Variants in NCOA6 observed in about 807,000 individuals in gnomAD.
The protein encoded by NCOA6 is nuclear receptor coactivator 6.
A neutral mutation model predicts 171.4 loss-of-function variants in NCOA6; 49 were observed. That is an observed-to-expected ratio of 0.29 (90% CI 0.23 to 0.36). The LOEUF is 0.36. Ranked by LOEUF, NCOA6 falls within the 10% of genes least tolerant of loss-of-function variation. The pLI is 1.00. For synonymous variants in NCOA6, 910 were observed against 927.5 expected, an observed-to-expected ratio of 0.98 and a Z score of 0.34; for missense variants, 2,248 against 2,554.5, an observed-to-expected ratio of 0.88 and a Z score of 2.59.
chr20:34,735,262 C>T (rs970779109), intron 12 of NCOA6, among the ~76,000 whole-genome samples: 1 of 152,134 alleles, frequency 6.6e-6, no homozygotes, highest in Non-Finnish European at 1.5e-5. Context: ...TGTATGACCC[C>T]TCCTTTAAAT....
chr20:34,796,276 C>G (rs1488256674), intron 1 of NCOA6, among the ~76,000 whole-genome samples: 1 of 151,856 alleles, frequency 6.6e-6, no homozygotes, highest in East Asian at 1.9e-4. Context: ...TCCCAAAGTG[C>G]TGGGATTATA....
intron 13 of NCOA6, among the ~76,000 whole-genome samples, chr20:34,731,187 T>C (rs998054791): frequency 1.3e-5 from 2 of 152,030 alleles, no homozygotes; most frequent in South Asian, 4.2e-4. Flanking sequence ...GCCTGGCTAA[T>C]TTTTGTAGTT....
At chr20:34,800,391 G>A (rs1172909723) in intron 1 of NCOA6, among the ~76,000 whole-genome samples, 1 of 152,098 alleles carries the variant, frequency 6.6e-6, no homozygotes, top group South Asian at 2.1e-4. Flanking sequence ...AACATTGAAT[G>A]TTAATGGACT....
intron 1 of NCOA6, among the ~76,000 whole-genome samples, chr20:34,794,584 GA>G (rs950736188): frequency 2.0e-5 from 3 of 151,656 alleles, no homozygotes; most frequent in Non-Finnish European, 2.9e-5. Flanking sequence ...ATTTTTGAGA[GA>G]AAAAAAACAG....
At position 34,743,115 on chromosome 20, in the gene NCOA6, C is replaced by A. The variant is rs1391011769; in HGVS notation, c.3141G>T (p.Arg1047Ser). 1.2e-6 allele frequency: 2 copies of A among 1,613,486 alleles called. No homozygotes were observed. The highest frequency in any genetic ancestry group is 2.2e-5 in the South Asian group (2 of 91,022). The change falls in exon 11 of 15, where the codon AGG (arginine) becomes AGT (serine). Residue 1047 changes from arginine to serine, a missense_variant. Physicochemically the swap from Arg to Ser is moderately radical, Grantham distance 110. Transcript: ENST00000359003. ...GATGGACATTTTGAGAGACTGGAAG[C>A]CTAACTGATTTGGGATCCTGCTGCA... is the stretch of plus-strand genomic sequence containing the variant. ...LMMQQDPKSVRLPVSQNVHPP... is the reference protein window; with the variant it reads ...LMMQQDPKSVSLPVSQNVHPP...
At position 34,758,836 on chromosome 20, in the gene NCOA6, C is replaced by T. The variant is rs752741738; in HGVS notation, c.612G>A (p.Gln204=). 1.6e-5 allele frequency: 26 copies of T among 1,613,010 alleles called. No homozygotes were observed. The highest frequency in any genetic ancestry group is 2.1e-5 in the Non-Finnish European group (25 of 1,179,798). Residue 204 remains glutamine, a synonymous_variant, in exon 6 of 15, where the codon CAG becomes CAA. Coordinates refer to ENST00000359003, the MANE Select transcript of NCOA6 (RefSeq NM_014071.5). ...GAGAAGCAGGGCGAGGAGTCCTGGGCTGCAGCTCTGGATTGGGGCCTGGTG... is the reference window on the plus strand; with the variant it reads ...GAGAAGCAGGGCGAGGAGTCCTGGGTTGCAGCTCTGGATTGGGGCCTGGTG... The part of the protein sequence containing the change: ...MMAPGPNPEL[Q]PRTPRPASQS...
At chr20:34,807,856 C>T (rs1329391569) in intron 1 of NCOA6, among the ~76,000 whole-genome samples, 1 of 146,038 alleles carries the variant, frequency 6.8e-6, no homozygotes, top group Non-Finnish European at 1.5e-5. Flanking sequence ...TTTGTAGAAA[C>T]AGTATCTTGC....
chr20:34,822,896 C>T (rs940416103), intron 1 of NCOA6, among the ~76,000 whole-genome samples: 10 of 152,134 alleles, frequency 6.6e-5, no homozygotes, highest in African/African-American at 2.4e-4. Flanking sequence ...AGGTAACATA[C>T]CATTCTAGTA....
chr20:34,761,698 G>A (rs867373317), intron 5 of NCOA6, among the ~76,000 whole-genome samples: 8 of 151,854 alleles, frequency 5.3e-5, no homozygotes, highest in Middle Eastern at 3.4e-3. Context: ...CTCTGTTGCC[G>A]AGGCTGGAGT....
chr20:34,815,213 C>CCCA (rs57249728), intron 1 of NCOA6, among the ~76,000 whole-genome samples: 53 of 140,612 alleles, frequency 3.8e-4, no homozygotes, highest in South Asian at 1.6e-3. Flanking sequence ...TTCTCTACCC[C>CCCA]AAAAAAAAAA....
chr20:34,781,485 G>A (rs1049149598), intron 3 of NCOA6, among the ~76,000 whole-genome samples: 5 of 152,180 alleles, frequency 3.3e-5, no homozygotes, highest in South Asian at 2.1e-4. Context: ...CTGCTACTTC[G>A]TACCATCTGG....
At chr20:34,795,749 A>C (rs987462684) in intron 1 of NCOA6, among the ~76,000 whole-genome samples, 6 of 152,200 alleles carry the variant, frequency 3.9e-5, no homozygotes, top group Admixed American at 3.3e-4. Context: ...CTGAATGTGA[A>C]CTGAGTAGAA....
chr20:34,810,892 A>G (rs999317359), intron 1 of NCOA6, among the ~76,000 whole-genome samples: 3 of 151,966 alleles, frequency 2.0e-5, no homozygotes, highest in African/African-American at 7.3e-5. Context: ...AATGCTTTCA[A>G]TGTAGACATA....
chr20:34,798,586 T>C (rs975703669), intron 1 of NCOA6, among the ~76,000 whole-genome samples: 4 of 152,158 alleles, frequency 2.6e-5, no homozygotes, highest in Non-Finnish European at 4.4e-5. Context: ...CAGGGGTGCT[T>C]GTGTAACCTC....
chr20:34,757,052 C>T (rs1019808028), intron 7 of NCOA6, among the ~76,000 whole-genome samples, 168 bp downstream of exon 7: 4 of 152,232 alleles, frequency 2.6e-5, no homozygotes, highest in African/African-American at 7.2e-5. Context: ...TAAGATGCTG[C>T]ATAACGTATC....
At chr20:34,752,641 C>T (rs1480547261) in intron 8 of NCOA6, among the ~76,000 whole-genome samples, 1 of 151,996 alleles carries the variant, frequency 6.6e-6, no homozygotes, top group African/African-American at 2.4e-5. Context: ...AAAACATGTA[C>T]ACGTGGGCCG....
rs116198561 is a variant in NCOA6, at chr20:34,730,511, C to G, written c.5999+2048G>C. 9.3e-3 allele frequency among the ~76,000 whole-genome samples: 1,412 copies of G among 152,264 alleles called. 29 individuals carry two copies. Among genetic ancestry groups the G allele is most frequent in the African/African-American group, 0.032 (1,340 of 41,540 alleles). ...CAAACACCCCAAATGTATTTTTGGT[C>G]TGATTAGCTTCTTTCTCTAGACAAA... is the stretch of plus-strand genomic sequence containing the variant. On this transcript the variant is annotated intron_variant, in intron 13 of 14. Transcript: ENST00000359003.
intron 9 of NCOA6, among the ~76,000 whole-genome samples, chr20:34,749,021 C>T (rs2076389749): frequency 6.6e-6 from 1 of 152,078 alleles, no homozygotes; most frequent in African/African-American, 2.4e-5. Context: ...ACATATGAAT[C>T]TTGTTTGGAT....
At chr20:34,782,754 G>A (rs2077547031) in intron 2 of NCOA6, among the ~76,000 whole-genome samples, 1 of 152,118 alleles carries the variant, frequency 6.6e-6, no homozygotes, top group Non-Finnish European at 1.5e-5. Flanking sequence ...CACAGAGCAA[G>A]GGGCTCCCCA....
Sources: gnomAD v4.1 joint callset for allele counts (sites outside exome capture counted in the v4.1 genomes callset) on GRCh38, gnomAD v4.1.1 for gene constraint, MANE v1.5 for transcripts, NCBI Gene and HGNC (gene_info 2026-07-23, HGNC 2026-07-21) for gene names.